FSD2: variants seen among roughly 807,000 people sequenced by gnomAD.
FSD2 encodes the protein fibronectin type III and SPRY domain containing 2, also known as fibronectin type III and SPRY domain-containing protein 2.
FSD2 carries 71 observed loss-of-function variants against 80.4 expected under a neutral mutation model. The observed-to-expected ratio is 0.88, with a 90% CI of 0.73 to 1.08. The LOEUF is 1.08. Among genes scored for constraint, FSD2 ranks in the 50% least tolerant of loss-of-function variants. The pLI, the probability that FSD2 is intolerant of heterozygous loss-of-function variation, is 0.00. For synonymous variants in FSD2, 361 were observed against 329.5 expected, an observed-to-expected ratio of 1.10 and a Z score of -1.03; for missense variants, 923 against 913.8, an observed-to-expected ratio of 1.01 and a Z score of -0.13.
intron 1 of FSD2, among the ~76,000 whole-genome samples, chr15:82,797,649 A>G (rs943773867): frequency 1.3e-5 from 2 of 152,110 alleles, no homozygotes; most frequent in Non-Finnish European, 2.9e-5. Flanking sequence ...TCTCTACTAA[A>G]AATACAAAAA....
chr15:82,758,045 G>A lies in FSD2; in HGVS notation c.*1303C>T, dbSNP rs1295717411. On this transcript the variant is annotated 3_prime_UTR_variant, in exon 13 of 13. Coordinates refer to ENST00000334574, the MANE Select transcript of FSD2 (RefSeq NM_001007122.4). ...CTGCCTCAGCCTCCTGAGTAGCTGG[G>A]ATTACAGGCGCCCACCACCATGCCC... is the stretch of plus-strand genomic sequence containing the variant. 1 of 151,968 alleles carries A rather than the reference G, an allele frequency of 6.6e-6. No individual in the cohort carries two copies. Among genetic ancestry groups the A allele is most frequent in the East Asian group, 1.9e-4 (1 of 5,172 alleles). 9.4% of individuals were successfully genotyped at this position (151,968 alleles called of 1,614,324 possible). A position where few individuals can be genotyped will look rare whatever the true frequency, so the allele number is the denominator to read the frequency against.
At chr15:82,764,492 C>CTTTTTTTTTTGTTTTTTTT (rs2049362832) in intron 11 of FSD2, among the ~76,000 whole-genome samples, 2 of 86,178 alleles carry the variant, frequency 2.3e-5, no homozygotes, top group Non-Finnish European at 4.4e-5. Context: ...TCTTTACTTG[C>CTTTTTTTTTTGTTTTTTTT]TTTTTTTTTT....
chr15:82,794,212 T>C (rs1398693198), intron 1 of FSD2, among the ~76,000 whole-genome samples: 1 of 152,190 alleles, frequency 6.6e-6, no homozygotes. Context: ...TTTTCTAACT[T>C]CCATTTTCAT....
At chr15:82,770,724 G>A (rs2049546739) in intron 7 of FSD2, among the ~76,000 whole-genome samples, 1 of 146,696 alleles carries the variant, frequency 6.8e-6, no homozygotes, top group Non-Finnish European at 1.5e-5. Context: ...AAGCCACTAA[G>A]TTGTAGGGGG....
At position 82,772,201 on chromosome 15, in the gene FSD2, T is replaced by C; in HGVS notation, c.1139A>G (p.Gln380Arg). The C allele has an allele frequency of 1.2e-6, 2 of 1,612,018 alleles. No homozygotes were observed. Among genetic ancestry groups the C allele is most frequent in the Non-Finnish European group, 1.7e-6 (2 of 1,179,172 alleles). ...PAPSAPVINP[Q>R]VPNSATGSSV... ...GGAACCTGTGGCTGAGTTAGGGACCTGTGGATTTATGACTGGAGCAGAAGG... is the reference window on the plus strand; with the variant it reads ...GGAACCTGTGGCTGAGTTAGGGACCCGTGGATTTATGACTGGAGCAGAAGG... The change falls in exon 7 of 13, where the codon CAG becomes CGG. Residue 380 changes from glutamine to arginine, a missense_variant. Gln to Arg is a conservative substitution (Grantham distance 43). Coordinates refer to ENST00000334574, the MANE Select transcript of FSD2 (RefSeq NM_001007122.4).
chr15:82,794,319 C>A (rs1335222354), intron 1 of FSD2, among the ~76,000 whole-genome samples: 3 of 152,076 alleles, frequency 2.0e-5, no homozygotes, highest in Non-Finnish European at 4.4e-5. Flanking sequence ...TTTCTATTTG[C>A]ATTCCATTGC....
At chr15:82,764,144 G>A (rs1470796122) in intron 11 of FSD2, among the ~76,000 whole-genome samples, 1 of 152,192 alleles carries the variant, frequency 6.6e-6, no homozygotes, top group Admixed American at 6.5e-5. Flanking sequence ...TGAAGCAGGA[G>A]AACAGGGTCT....
chr15:82,762,775 C>T (rs762153585), intron 11 of FSD2, among the ~76,000 whole-genome samples: 4 of 152,148 alleles, frequency 2.6e-5, no homozygotes, highest in Non-Finnish European at 4.4e-5. Context: ...CCTCACAGAT[C>T]ATTAAAATCT....
chr15:82,782,984 G>A lies in FSD2; in HGVS notation c.777C>T (p.Tyr259=). ...GKQEQNFESH[Y]NEILETLAQK... ...GAGCAAGTGTTTCCAAGATCTCGTT[G>A]TAATGTGACTCAAAGTTTTGTTCTT... Residue 259 remains tyrosine, a synonymous_variant, in exon 4 of 13, where the codon TAC becomes TAT. Transcript: ENST00000334574. The A allele has an allele frequency of 1.2e-6, 2 of 1,613,412 alleles. No homozygotes were observed. The highest frequency in any genetic ancestry group is 2.7e-5 in the African/African-American group (2 of 74,942).
intron 3 of FSD2, among the ~76,000 whole-genome samples, chr15:82,785,742 A>C (rs975881415): frequency 6.6e-6 from 1 of 152,174 alleles, no homozygotes; most frequent in Admixed American, 6.5e-5. Flanking sequence ...GACAGTCTAC[A>C]CCTGACTTTA....
chr15:82,761,158 G>A (rs1410834038), intron 12 of FSD2, among the ~76,000 whole-genome samples: 1 of 152,162 alleles, frequency 6.6e-6, no homozygotes, highest in African/African-American at 2.4e-5. Context: ...CCATGATAGA[G>A]GATCATGGGC....
Position 82,787,196 on chromosome 15 carries a change from T to A in FSD2, c.195A>T (p.Arg65Ser). ...GTTCATCCACTTCCTCTTGAAGGTC[T>A]CTTTGAGCCTTACCATCCCCTGCTC... ...SRGAGDGKAQ[R>S]DLQEEVDELV... Residue 65 changes from arginine to serine, a missense_variant, in exon 2 of 13, where the codon AGA (arginine) becomes AGT (serine). By Grantham distance (110) the Arg-to-Ser change is moderately radical. Coordinates refer to ENST00000334574, the MANE Select transcript of FSD2 (RefSeq NM_001007122.4). 1 of 1,614,036 alleles carries A rather than the reference T, an allele frequency of 6.2e-7. No homozygotes were observed. The highest frequency in any genetic ancestry group is 8.5e-7 in the Non-Finnish European group (1 of 1,179,900).
rs1337914541 is a variant in FSD2 at position 82,769,000 on chromosome 15, T to G, written c.1433A>C (p.Glu478Ala). 1 of 1,595,284 alleles carries G rather than the reference T, an allele frequency of 6.3e-7. No individual in the cohort carries two copies. The change falls in exon 9 of 13, where the codon GAG becomes GCG. Residue 478 changes from glutamate to alanine, a missense_variant. Glu to Ala is a moderately radical substitution (Grantham distance 107, BLOSUM62 -1). Coordinates refer to ENST00000334574, the MANE Select transcript of FSD2 (RefSeq NM_001007122.4). Reference protein sequence around the residue: ...APSPPIIKTKEIRSCEEAVLI... With the variant: ...APSPPIIKTKAIRSCEEAVLI... ...CACAGCCTCTTCACAGCTCCTTATCTCTTTGGTTTTAATAATGGGGGGAGA... is the reference window on the plus strand; with the variant it reads ...CACAGCCTCTTCACAGCTCCTTATCGCTTTGGTTTTAATAATGGGGGGAGA...
In FSD2 at chr15:82,756,983, T is replaced by C. The variant is rs2151480518; in HGVS notation, c.*2365A>G. 1 of 152,346 alleles carries C rather than the reference T, an allele frequency of 6.6e-6. No individual in the cohort carries two copies. The highest frequency in any genetic ancestry group is 1.9e-4 in the East Asian group (1 of 5,196). 9.4% of individuals were successfully genotyped at this position (152,346 alleles called of 1,614,324 possible). ...GAATACAGTTTCAGTAGATTGTTTA[T>C]AGTAGTTTCAGGAATTGAGATTTTT... On this transcript the variant is annotated 3_prime_UTR_variant, in exon 13 of 13. Coordinates refer to ENST00000334574, the MANE Select transcript of FSD2 (RefSeq NM_001007122.4).
intron 4 of FSD2, 127 bp from the exon 5 acceptor site, chr15:82,780,394 GCA>G: frequency 6.3e-5 from 39 of 620,824 alleles, no homozygotes; most frequent in South Asian, 1.5e-4. Flanking sequence ...GAGTGCAATG[GCA>G]CAATCTCGGC....
At chr15:82,766,401 CAG>C (rs1252577122) in intron 9 of FSD2, among the ~76,000 whole-genome samples, 2 of 152,150 alleles carry the variant, frequency 1.3e-5, no homozygotes, top group African/African-American at 4.8e-5. Flanking sequence ...TCTCTGAGGT[CAG>C]GGGCTGAGTA....
intron 6 of FSD2, 45 bp downstream of exon 6, chr15:82,778,721 C>G: frequency 6.5e-7 from 1 of 1,543,446 alleles, no homozygotes; most frequent in Non-Finnish European, 8.7e-7. Context: ...GAAAAAAGCT[C>G]TGGGTAGTCT....
chr15:82,781,962 G>T (rs2049868663), intron 4 of FSD2, among the ~76,000 whole-genome samples: 1 of 151,198 alleles, frequency 6.6e-6, no homozygotes, highest in East Asian at 1.9e-4. Context: ...TACTCAGGAG[G>T]CTGAGGCAGG....
At chr15:82,797,638 A>G (rs1247333401) in intron 1 of FSD2, among the ~76,000 whole-genome samples, 1 of 151,934 alleles carries the variant, frequency 6.6e-6, no homozygotes, top group Non-Finnish European at 1.5e-5. Context: ...GTGAAACCCC[A>G]TCTCTACTAA....
Sources: allele counts gnomAD v4.1 joint callset (sites outside exome capture counted in the v4.1 genomes callset), GRCh38; gene constraint gnomAD v4.1.1; transcripts MANE v1.5; gene names NCBI Gene and HGNC (gene_info 2026-07-23, HGNC 2026-07-21).